The following UST variants were observed in gnomAD, a reference collection of about 807,000 sequenced individuals.
UST encodes uronyl 2-sulfotransferase, also known as chondroitin sulfate 2-O-sulfotransferase.
Under a neutral mutation model 45.6 loss-of-function variants are expected in UST, and 21 were observed. That is an observed-to-expected ratio of 0.46 (90% CI 0.33 to 0.66). UST has a LOEUF of 0.66. Among genes scored for constraint, UST ranks in the 30% least tolerant of loss-of-function variants. The pLI, the probability that UST is intolerant of heterozygous loss-of-function variation, is 0.02. For missense variants in UST, 463 were observed against 512.4 expected (o/e 0.90, Z 0.93); for synonymous variants, 215 against 200.6 (o/e 1.07, Z -0.61).
intron 7 of UST, among the ~76,000 whole-genome samples, chr6:149,053,875 G>A (rs924618620): frequency 1.3e-5 from 2 of 152,210 alleles, no homozygotes; most frequent in Admixed American, 6.5e-5. Context: ...TGGACAGTTG[G>A]TCACAGAAGC....
At chr6:149,033,685 C>T (rs1188478780) in intron 7 of UST, among the ~76,000 whole-genome samples, 1 of 152,160 alleles carries the variant, frequency 6.6e-6, no homozygotes, top group African/African-American at 2.4e-5. Context: ...AGGTCTCACC[C>T]CGCCCCTCGT....
intron 3 of UST, among the ~76,000 whole-genome samples, chr6:148,942,728 A>G (rs1780152787): frequency 1.3e-5 from 2 of 152,234 alleles, no homozygotes; most frequent in African/African-American, 4.8e-5. Context: ...GGGGGAAAGT[A>G]GAACTGTTTT....
intron 5 of UST, among the ~76,000 whole-genome samples, chr6:149,009,246 C>CA (rs973464265): frequency 6.6e-5 from 10 of 151,834 alleles, no homozygotes; most frequent in Non-Finnish European, 7.4e-5. Context: ...CATGGAAGAT[C>CA]AAAAAATCTC....
chr6:148,885,366 G>A (rs1028295559), intron 1 of UST, among the ~76,000 whole-genome samples: 2 of 152,086 alleles, frequency 1.3e-5, no homozygotes, highest in African/African-American at 4.8e-5. Flanking sequence ...TAGTTCTCTA[G>A]GCACAGGCAG....
In UST at chr6:148,747,620, C is replaced by T; in HGVS notation, c.190C>T (p.Leu64Phe). 6.2e-7 allele frequency: 1 copy of T among 1,603,094 alleles called. No individual in the cohort carries two copies. The highest frequency in any genetic ancestry group is 1.1e-5 in the South Asian group (1 of 88,980). ...GCTGGTCTTCTGCCTGGGCTCCCTC[C>T]TCTATCAGCTCAGCGGGGGACCCCC... ...TLLVFCLGSL[L>F]YQLSGGPPRF... is the part of the protein sequence containing the mutation. The change falls in exon 1 of 8, where the codon CTC (leucine) becomes TTC (phenylalanine). Residue 64 changes from leucine to phenylalanine, a missense_variant. Leu to Phe is a conservative substitution (Grantham distance 22). This residue lies in a region of UST where 176 missense variants were observed against 138.3 expected (regional missense o/e 1.27). Transcript: ENST00000367463.
chr6:149,004,083 G>C (rs1198452623), intron 5 of UST, among the ~76,000 whole-genome samples: 2 of 152,124 alleles, frequency 1.3e-5, no homozygotes, highest in Admixed American at 6.5e-5. Context: ...AGTATTTAAT[G>C]CTATTGAATA....
chr6:148,911,919 G>A (rs976152446), intron 2 of UST, among the ~76,000 whole-genome samples: 1 of 152,092 alleles, frequency 6.6e-6, no homozygotes, highest in African/African-American at 2.4e-5. Context: ...GATTCAGGCC[G>A]GCCATAGTGG....
intron 1 of UST, among the ~76,000 whole-genome samples, chr6:148,801,444 T>G (rs796459528): frequency 3.3e-5 from 5 of 152,294 alleles, no homozygotes; most frequent in African/African-American, 1.2e-4. Context: ...ACAACCCAAA[T>G]GGCAGTGAGC....
At chr6:149,072,936 CAGT>C (rs1317492169) in intron 7 of UST, among the ~76,000 whole-genome samples, 2 of 152,134 alleles carry the variant, frequency 1.3e-5, no homozygotes, top group African/African-American at 4.8e-5. Context: ...ATTTTTAAAA[CAGT>C]GGTGATGGTT....
intron 1 of UST, among the ~76,000 whole-genome samples, chr6:148,834,315 T>C (rs1777745894): frequency 6.6e-6 from 1 of 152,252 alleles, no homozygotes; most frequent in Admixed American, 6.5e-5. Flanking sequence ...AACCCTTAGA[T>C]ACCAGTAGGT....
intron 1 of UST, among the ~76,000 whole-genome samples, chr6:148,837,302 C>T (rs1002972293): frequency 3.3e-5 from 5 of 152,190 alleles, no homozygotes; most frequent in African/African-American, 1.2e-4. Flanking sequence ...TCCATATCCT[C>T]ACCCCTTCCT....
chr6:148,796,622 TC>T lies in UST; in HGVS notation c.247+48946del, dbSNP rs201691066. ...CTGGACGACAGGGCAAGACTCTGTCTCAAAAAAAAAAAAAAAAAAAAAAAAG... is the reference window on the plus strand; with the variant it reads ...CTGGACGACAGGGCAAGACTCTGTCTAAAAAAAAAAAAAAAAAAAAAAAAG... On this transcript the variant is annotated intron_variant, in intron 1 of 7. Coordinates refer to ENST00000367463, the MANE Select transcript of UST (RefSeq NM_005715.3). Among the ~76,000 whole-genome samples, 80 of 44,440 alleles carry T rather than the reference TC, an allele frequency of 1.8e-3. 6 individuals carry two copies. Among genetic ancestry groups the T allele is most frequent in the African/African-American group, 5.8e-3 (78 of 13,348 alleles). 29.2% of individuals were successfully genotyped at this position (44,440 alleles called of 152,430 possible).
intron 1 of UST, among the ~76,000 whole-genome samples, chr6:148,765,963 C>T (rs565245154): frequency 1.3e-5 from 2 of 152,222 alleles, no homozygotes; most frequent in South Asian, 4.1e-4. Flanking sequence ...TTTCTCCATT[C>T]AGTATGATGT....
intron 1 of UST, among the ~76,000 whole-genome samples, chr6:148,835,539 G>A (rs924454654): frequency 6.6e-6 from 1 of 152,118 alleles, no homozygotes; most frequent in African/African-American, 2.4e-5. Context: ...GCTTGTTAAG[G>A]TTTAATGACT....
At chr6:149,017,793 C>CATATAT (rs772511492) in intron 5 of UST, among the ~76,000 whole-genome samples, 102 of 54,398 alleles carry the variant, frequency 1.9e-3, no homozygotes, top group African/African-American at 6.9e-3. Context: ...AATGAATATC[C>CATATAT]ATATATACAC....
intron 2 of UST, among the ~76,000 whole-genome samples, chr6:148,887,449 G>C (rs1778933643): frequency 6.6e-6 from 1 of 152,242 alleles, no homozygotes; most frequent in Admixed American, 6.5e-5. Context: ...TACTCCACTT[G>C]AGGCCCTGCC....
intron 5 of UST, among the ~76,000 whole-genome samples, chr6:148,985,561 T>C (rs553006573): frequency 6.6e-6 from 1 of 152,330 alleles, no homozygotes; most frequent in East Asian, 1.9e-4. Context: ...ATTAGATTTC[T>C]ACTAATCTTG....
chr6:148,880,611 C>T (rs1778805584), intron 1 of UST, among the ~76,000 whole-genome samples: 1 of 152,208 alleles, frequency 6.6e-6, no homozygotes, highest in South Asian at 2.1e-4. Context: ...CCTCATGTTA[C>T]ATTTACAACC....
At chr6:148,952,576 C>T (rs960345235) in intron 3 of UST, among the ~76,000 whole-genome samples, 5 of 152,184 alleles carry the variant, frequency 3.3e-5, no homozygotes, top group African/African-American at 4.8e-5. Flanking sequence ...AAATATTTAT[C>T]GAGCACTTAT....
Sources: allele counts gnomAD v4.1 joint callset (sites outside exome capture counted in the v4.1 genomes callset), GRCh38; gene constraint gnomAD v4.1.1; regional missense constraint gnomAD v4.1.1; transcripts MANE v1.5; gene names NCBI Gene and HGNC (gene_info 2026-07-23, HGNC 2026-07-21).